Variants in PIP5K1A observed in about 807,000 individuals in gnomAD.
PIP5K1A encodes phosphatidylinositol-4-phosphate 5-kinase type 1 alpha.
Under a neutral mutation model 72.9 loss-of-function variants are expected in PIP5K1A, and 46 were observed. The ratio of observed to expected loss-of-function variants is 0.63; its 90% CI spans 0.50 to 0.81. The LOEUF (loss-of-function observed/expected upper bound fraction) is 0.81. Among genes scored for constraint, PIP5K1A ranks in the 30% least tolerant of loss-of-function variants. PIP5K1A has a pLI of 0.00. For missense variants in PIP5K1A, 458 were observed against 706.1 expected, an observed-to-expected ratio of 0.65 and a Z score of 3.98; for synonymous variants, 228 against 255.1, an observed-to-expected ratio of 0.89 and a Z score of 1.01.
chr1:151,223,956 A>C, intron 1 of PIP5K1A: 1 of 450,580 alleles, frequency 2.2e-6, no homozygotes, highest in Non-Finnish European at 4.0e-6. Context: ...CGATAGAGTG[A>C]GACTCCATCT....
chr1:151,205,545 G>A (rs1029831687), intron 1 of PIP5K1A, among the ~76,000 whole-genome samples: 1 of 151,654 alleles, frequency 6.6e-6, no homozygotes, highest in Non-Finnish European at 1.5e-5. Flanking sequence ...GGTGACTCAC[G>A]CCTGTAATGC....
intron 1 of PIP5K1A, among the ~76,000 whole-genome samples, chr1:151,204,286 C>T (rs12022732): frequency 0.62 from 94,589 of 152,022 alleles, 30,060 homozygotes; most frequent in Non-Finnish European, 0.7. Context: ...GAGTGATTCT[C>T]CTGCCTCTGC....
chr1:151,197,744 A>G (rs1296076636), upstream of PIP5K1A, among the ~76,000 whole-genome samples: 2 of 152,226 alleles, frequency 1.3e-5, no homozygotes, highest in African/African-American at 2.4e-5. Context: ...TGGAGATACA[A>G]GAGTGAACCA....
intron 1 of PIP5K1A, 68 bp downstream of exon 1, chr1:151,199,149 A>C (rs1295051953): frequency 1.2e-6 from 2 of 1,610,230 alleles, no homozygotes; most frequent in East Asian, 2.2e-5. Context: ...GCGAGACCTA[A>C]GAGGGTACCT....
chr1:151,220,130 C>T (rs369691958), intron 1 of PIP5K1A, among the ~76,000 whole-genome samples: 10 of 151,494 alleles, frequency 6.6e-5, no homozygotes, highest in East Asian at 2.0e-4. Context: ...CTCAGTCTCC[C>T]GAGTAGCTGG....
chr1:151,248,893 G>T lies in PIP5K1A; in HGVS notation c.*1028G>T, dbSNP rs1692839906. ...AGGTAAAGAGGGGACACTTCTGTCT[G>T]TTTAACAGACAGTCCATATCTGTGA... On this transcript the variant is annotated 3_prime_UTR_variant, in exon 16 of 16. Coordinates refer to ENST00000368888, the MANE Select transcript of PIP5K1A (RefSeq NM_001135638.2). 1 of 152,546 alleles carries T rather than the reference G, an allele frequency of 6.6e-6. No individual in the cohort carries two copies. The highest frequency in any genetic ancestry group is 2.4e-5 in the African/African-American group (1 of 41,428). 9.4% of individuals were successfully genotyped at this position (152,546 alleles called of 1,614,324 possible).
intron 1 of PIP5K1A, among the ~76,000 whole-genome samples, chr1:151,200,869 G>A (rs758170706): frequency 2.0e-4 from 31 of 151,590 alleles, no homozygotes; most frequent in Non-Finnish European, 3.5e-4. Context: ...TCGCTCTGTC[G>A]CCCAGGCTGG....
At chr1:151,231,608 A>T in intron 4 of PIP5K1A, 63 bp from the exon 5 acceptor site, 1 of 1,476,134 alleles carries the variant, frequency 6.8e-7, no homozygotes, top group Non-Finnish European at 9.5e-7. Context: ...CCCCTTTCTG[A>T]ATTTTTATTG....
chr1:151,199,082 G>A lies in PIP5K1A; in HGVS notation c.85+1G>A. On this transcript the variant is annotated splice_donor_variant, in intron 1 of 15. Coordinates refer to ENST00000368888, the MANE Select transcript of PIP5K1A (RefSeq NM_001135638.2). LOFTEE classifies it high-confidence loss of function. ...GTCCCTTCCTGTACCTTGTCCTCAG[G>A]TAAGCCCGGCAGGGCGTGGGTAGGG... 1 of 1,614,150 alleles carries A rather than the reference G, an allele frequency of 6.2e-7. No individual in the cohort carries two copies. Among genetic ancestry groups the A allele is most frequent in the Non-Finnish European group, 8.5e-7 (1 of 1,180,036 alleles).
chr1:151,198,587 G>A lies in PIP5K1A; in HGVS notation c.-410G>A, dbSNP rs901416528. ...TTGGCTACCCGGAGTGAAGCGGCCG[G>A]GTTGGGCGATTAACAGGCCGTGGTT... On this transcript the variant is annotated 5_prime_UTR_variant, in exon 1 of 16. Transcript: ENST00000368888. The A allele has an allele frequency of 1.4e-5, 3 of 206,988 alleles. No individual in the cohort carries two copies. In the South Asian group the frequency reaches 2.3e-4, roughly 16 times the overall value. The allele number at this position is 206,988 out of a possible 1,614,324, so 12.8% of individuals were successfully genotyped here. A position where few individuals can be genotyped will look rare whatever the true frequency, so the allele number is the denominator to read the frequency against.
chr1:151,239,233 T>G (rs1053790938), intron 11 of PIP5K1A, 55 bp downstream of exon 11: 1 of 1,128,852 alleles, frequency 8.9e-7, no homozygotes, highest in South Asian at 1.4e-5. Context: ...CCATCACTTC[T>G]GATTGGCCTC....
intron 8 of PIP5K1A, among the ~76,000 whole-genome samples, chr1:151,236,205 C>T (rs587730419): frequency 3.0e-4 from 45 of 151,862 alleles, no homozygotes; most frequent in Admixed American, 1.8e-3. Flanking sequence ...TCAAGCCAGG[C>T]GTGGTGGCTC....
chr1:151,235,525 A>G (rs1249977979), intron 8 of PIP5K1A, among the ~76,000 whole-genome samples: 2 of 152,174 alleles, frequency 1.3e-5, no homozygotes, highest in African/African-American at 2.4e-5. Flanking sequence ...TCTCTCTTTA[A>G]TATCTTTATA....
intron 9 of PIP5K1A, 63 bp downstream of exon 9, chr1:151,236,826 T>TTC (rs1690949681): frequency 9.7e-7 from 1 of 1,035,640 alleles, no homozygotes; most frequent in Non-Finnish European, 1.4e-6. Context: ...CTTTTCTTTT[T>TTC]TTTTTTTTTT....
At chr1:151,212,025 T>C (rs1327638253) in intron 1 of PIP5K1A, among the ~76,000 whole-genome samples, 1 of 151,394 alleles carries the variant, frequency 6.6e-6, no homozygotes, top group Non-Finnish European at 1.5e-5. Context: ...GGTAGGAGAA[T>C]GGCGTGAATC....
At chr1:151,241,820 A>C (rs1485143463) in intron 12 of PIP5K1A, among the ~76,000 whole-genome samples, 1 of 150,526 alleles carries the variant, frequency 6.6e-6, no homozygotes, top group Admixed American at 6.6e-5. Flanking sequence ...AAAAAAAAGG[A>C]ATTATGCAAT....
At chr1:151,211,897 A>G (rs980773861) in intron 1 of PIP5K1A, among the ~76,000 whole-genome samples, 8 of 151,556 alleles carry the variant, frequency 5.3e-5, no homozygotes, top group African/African-American at 1.9e-4. Flanking sequence ...AGGTCAGGAG[A>G]TCGAGACCAT....
rs146472749 is a variant in PIP5K1A at position 151,199,016 on chromosome 1, G to C, written c.20G>C (p.Gly7Ala). 179 of 1,614,164 alleles carry C rather than the reference G, an allele frequency of 1.1e-4. No individual in the cohort carries two copies. The African/African-American group carries it at 2.1e-3, about 19-fold the overall frequency. ...GCTAAGATGGCGTCGGCCTCCTCCG[G>C]GCCGTCGTCTTCGGTCGGTTTTTCA... MASASS[G>A]PSSSVGFSSF... is the part of the protein sequence containing the mutation. The change falls in exon 1 of 16, where the codon GGG becomes GCG. Residue 7 changes from glycine to alanine, a missense_variant. Physicochemically the swap from Gly to Ala is moderately conservative, Grantham distance 60. This residue lies in a region of PIP5K1A where 81 missense variants were observed against 88.0 expected (regional missense o/e 0.92). Coordinates refer to ENST00000368888, the MANE Select transcript of PIP5K1A (RefSeq NM_001135638.2).
chr1:151,231,888 A>T (rs1339037848), intron 5 of PIP5K1A, 87 bp downstream of exon 5: 2 of 1,209,532 alleles, frequency 1.7e-6, no homozygotes, highest in Non-Finnish European at 2.4e-6. Context: ...CAGGTCGGAC[A>T]ATTTAGACAT....
Sources: allele counts gnomAD v4.1 joint callset (sites outside exome capture counted in the v4.1 genomes callset), GRCh38; gene constraint gnomAD v4.1.1; regional missense constraint gnomAD v4.1.1; transcripts MANE v1.5; gene names NCBI Gene and HGNC (gene_info 2026-07-23, HGNC 2026-07-21).